Variants in CDC42BPA observed in about 807,000 individuals in gnomAD.
CDC42BPA encodes the protein serine/threonine-protein kinase MRCK alpha.
Under a neutral mutation model 223.5 loss-of-function variants are expected in CDC42BPA, and 80 were observed. The observed-to-expected ratio is 0.36, with a 90% CI of 0.30 to 0.43. CDC42BPA has a LOEUF of 0.43. CDC42BPA is among the 20% of genes least tolerant of loss of function. The probability of loss-of-function intolerance (pLI) is 1.00; values close to 1 mark genes in which losing one functional copy is unlikely to be tolerated. For missense variants in CDC42BPA, 1,743 were observed against 2,099.9 expected, an observed-to-expected ratio of 0.83 and a Z score of 3.32; for synonymous variants, 694 against 718.6, an observed-to-expected ratio of 0.97 and a Z score of 0.55.
chr1:227,158,809 G>A (rs940836980), intron 6 of CDC42BPA, among the ~76,000 whole-genome samples: 2 of 152,060 alleles, frequency 1.3e-5, no homozygotes, highest in Admixed American at 6.6e-5. Flanking sequence ...ATGGTCTTGT[G>A]GTACAATGCA....
chr1:227,159,225 G>T (rs1365944031), intron 6 of CDC42BPA, among the ~76,000 whole-genome samples: 1 of 152,134 alleles, frequency 6.6e-6, no homozygotes. Flanking sequence ...GGTGGCTCAC[G>T]CCTGTAATCC....
At chr1:227,270,254 A>G (rs1004446405) in intron 1 of CDC42BPA, among the ~76,000 whole-genome samples, 15 of 152,224 alleles carry the variant, frequency 9.9e-5, no homozygotes, top group African/African-American at 3.6e-4. Flanking sequence ...ATTTATGCAC[A>G]TAAATACTTA....
At chr1:227,100,777 TGC>T (rs1553337941) in intron 15 of CDC42BPA, among the ~76,000 whole-genome samples, 1 of 128,510 alleles carries the variant, frequency 7.8e-6, no homozygotes, top group Non-Finnish European at 1.6e-5. Context: ...TGTGTGTGTG[TGC>T]GTGTGCCATC....
chr1:227,143,774 A>T (rs1280281887), intron 8 of CDC42BPA, among the ~76,000 whole-genome samples: 1 of 152,234 alleles, frequency 6.6e-6, no homozygotes, highest in Non-Finnish European at 1.5e-5. Context: ...CTATATATTG[A>T]TCAGTTGATC....
At chr1:227,311,896 ACT>A (rs906327670) in intron 1 of CDC42BPA, among the ~76,000 whole-genome samples, 4 of 151,294 alleles carry the variant, frequency 2.6e-5, no homozygotes, top group African/African-American at 9.7e-5. Flanking sequence ...CATACCTTAC[ACT>A]CTTTCCCTTC....
At chr1:227,215,425 A>G (rs577715888) in intron 2 of CDC42BPA, among the ~76,000 whole-genome samples, 1 of 152,272 alleles carries the variant, frequency 6.6e-6, no homozygotes, top group South Asian at 2.1e-4. Flanking sequence ...AACAATACTT[A>G]TATCATTGTG....
chr1:226,990,769 C>T lies in CDC42BPA; in HGVS notation c.*3499G>A, dbSNP rs1660647383. On this transcript the variant is annotated 3_prime_UTR_variant, in exon 37 of 37. Transcript: ENST00000366766. ...TCTTTCTCAGAAATAGACGTGGCCA[C>T]TAAGTAACAAAATGACATAATTCTA... The T allele has an allele frequency of 6.6e-6, 1 of 152,662 alleles. No individual in the cohort carries two copies. The highest frequency in any genetic ancestry group is 2.1e-4 in the South Asian group (1 of 4,830). The allele number at this position is 152,662 out of a possible 1,614,324, so 9.5% of individuals were successfully genotyped here. A position where few individuals can be genotyped will look rare whatever the true frequency, so the allele number is the denominator to read the frequency against.
intron 16 of CDC42BPA, among the ~76,000 whole-genome samples, chr1:227,088,332 G>C (rs1682382746): frequency 6.6e-6 from 1 of 152,126 alleles, no homozygotes; most frequent in Admixed American, 6.5e-5. Context: ...TTTCATGTTT[G>C]AAAATGAGGT....
chr1:227,022,063 A>C (rs1572302846), intron 32 of CDC42BPA, among the ~76,000 whole-genome samples: 3 of 152,132 alleles, frequency 2.0e-5, no homozygotes, highest in Non-Finnish European at 2.9e-5. Context: ...TAACTACCCC[A>C]AAATAATGGG....
chr1:227,189,177 C>T (rs1454344741), intron 5 of CDC42BPA, among the ~76,000 whole-genome samples: 1 of 152,100 alleles, frequency 6.6e-6, no homozygotes, highest in African/African-American at 2.4e-5. Context: ...AGTTGTAAAA[C>T]TTTCCTTAGG....
intron 3 of CDC42BPA, among the ~76,000 whole-genome samples, chr1:227,206,753 C>T (rs1053114850): frequency 1.3e-5 from 2 of 152,206 alleles, no homozygotes; most frequent in African/African-American, 4.8e-5. Context: ...TAAAAGTTTT[C>T]TCAAATAGTT....
At chr1:227,222,699 C>T (rs555189122) in intron 2 of CDC42BPA, among the ~76,000 whole-genome samples, 1 of 152,268 alleles carries the variant, frequency 6.6e-6, no homozygotes, top group African/African-American at 2.4e-5. Context: ...TACCCTTTTT[C>T]TTCTCCAATC....
At chr1:227,189,412 G>A (rs1364274448) in intron 5 of CDC42BPA, among the ~76,000 whole-genome samples, 1 of 152,086 alleles carries the variant, frequency 6.6e-6, no homozygotes, top group Non-Finnish European at 1.5e-5. Flanking sequence ...TAATTTTAAT[G>A]CCTCAAATTT....
intron 1 of CDC42BPA, among the ~76,000 whole-genome samples, chr1:227,308,976 C>G (rs891516694): frequency 6.6e-6 from 1 of 151,938 alleles, no homozygotes; most frequent in African/African-American, 2.4e-5. Context: ...TTGTTTTCAT[C>G]CATATAAGTA....
intron 15 of CDC42BPA, among the ~76,000 whole-genome samples, chr1:227,093,886 A>G (rs1203145528): frequency 1.3e-5 from 2 of 152,176 alleles, no homozygotes; most frequent in Admixed American, 1.3e-4. Flanking sequence ...TATTGCTTCA[A>G]ACCTCTGCAG....
chr1:227,309,595 T>G (rs1470548357), intron 1 of CDC42BPA, among the ~76,000 whole-genome samples: 1 of 152,238 alleles, frequency 6.6e-6, no homozygotes, highest in Non-Finnish European at 1.5e-5. Context: ...TTTAAAACTA[T>G]GAGTCCATGA....
At chr1:227,094,164 GA>G (rs1202226476) in intron 15 of CDC42BPA, among the ~76,000 whole-genome samples, 1 of 152,152 alleles carries the variant, frequency 6.6e-6, no homozygotes, top group African/African-American at 2.4e-5. Context: ...ATACAGAAAT[GA>G]ATTCTAAGAG....
chr1:227,084,838 T>C (rs1027898070), intron 16 of CDC42BPA, among the ~76,000 whole-genome samples: 8 of 150,784 alleles, frequency 5.3e-5, no homozygotes, highest in African/African-American at 2.0e-4. Flanking sequence ...TCTGTGAGGG[T>C]GTCTCTGCGT....
At chr1:227,277,535 G>A (rs1034897760) in intron 1 of CDC42BPA, among the ~76,000 whole-genome samples, 6 of 152,038 alleles carry the variant, frequency 3.9e-5, no homozygotes, top group Non-Finnish European at 7.4e-5. Flanking sequence ...CCAGAAATAC[G>A]TTATCCATCA....
Sources: gnomAD v4.1 joint callset for allele counts (sites outside exome capture counted in the v4.1 genomes callset) on GRCh38, gnomAD v4.1.1 for gene constraint, MANE v1.5 for transcripts, NCBI Gene and HGNC (gene_info 2026-07-23, HGNC 2026-07-21) for gene names.